RSU1: variants seen among roughly 807,000 people sequenced by gnomAD.
RSU1 encodes the protein Ras suppressor protein 1.
In RSU1, 26 loss-of-function variants were observed where a neutral mutation model predicts 31.1. The ratio of observed to expected loss-of-function variants is 0.84; its 90% CI spans 0.61 to 1.16. RSU1 has a LOEUF of 1.16. RSU1 is among the 50% of genes most tolerant of loss of function. The probability of loss-of-function intolerance (pLI) is 0.00; values close to 1 mark genes in which losing one functional copy is unlikely to be tolerated. For missense variants in RSU1, 320 were observed against 339.1 expected (o/e 0.94, Z 0.44); for synonymous variants, 164 against 136.3 (o/e 1.20, Z -1.41).
At chr10:16,655,708 CT>C (rs911892724) in intron 8 of RSU1, among the ~76,000 whole-genome samples, 2 of 152,146 alleles carry the variant, frequency 1.3e-5, no homozygotes, top group Non-Finnish European at 2.9e-5. Flanking sequence ...GTCAAGCAAG[CT>C]TTTGGGTGCC....
intron 2 of RSU1, 92 bp from the exon 3 acceptor site, chr10:16,782,176 T>G (rs369208266): frequency 8.2e-6 from 8 of 977,962 alleles, no homozygotes; most frequent in African/African-American, 4.9e-5. Flanking sequence ...ACGGCAAAGT[T>G]ATTTTCACAG....
At chr10:16,756,116 T>C (rs1430976979) in intron 4 of RSU1, among the ~76,000 whole-genome samples, 1 of 152,194 alleles carries the variant, frequency 6.6e-6, no homozygotes, top group Non-Finnish European at 1.5e-5. Flanking sequence ...GAAAATCATG[T>C]TTTTGTTCTA....
At chr10:16,632,593 C>A (rs117497772) in intron 8 of RSU1, among the ~76,000 whole-genome samples, 1 of 152,198 alleles carries the variant, frequency 6.6e-6, no homozygotes, top group Non-Finnish European at 1.5e-5. Flanking sequence ...TGATTTTCCA[C>A]GAATTCTTTC....
At chr10:16,781,747 G>C (rs1399521038) in intron 3 of RSU1, among the ~76,000 whole-genome samples, 1 of 152,174 alleles carries the variant, frequency 6.6e-6, no homozygotes, top group African/African-American at 2.4e-5. Flanking sequence ...AGCCCTTTGG[G>C]AGGCCAAGGC....
At chr10:16,670,092 T>C (rs1335297923) in intron 8 of RSU1, among the ~76,000 whole-genome samples, 1 of 152,234 alleles carries the variant, frequency 6.6e-6, no homozygotes, top group Non-Finnish European at 1.5e-5. Flanking sequence ...CAGGCCCATG[T>C]AGTGCAAATC....
intron 8 of RSU1, among the ~76,000 whole-genome samples, chr10:16,685,166 C>T (rs2131552845): frequency 6.6e-6 from 1 of 152,320 alleles, no homozygotes; most frequent in South Asian, 2.1e-4. Flanking sequence ...AAGAGAATCG[C>T]TTGAACCTGG....
intron 8 of RSU1, among the ~76,000 whole-genome samples, chr10:16,627,976 G>A (rs1834186907): frequency 6.6e-6 from 1 of 152,116 alleles, no homozygotes; most frequent in Non-Finnish European, 1.5e-5. Flanking sequence ...CCAGAGGCGA[G>A]ACCAGCGATG....
At chr10:16,596,925 G>A (rs542428178) in intron 8 of RSU1, among the ~76,000 whole-genome samples, 38 of 152,260 alleles carry the variant, frequency 2.5e-4, no homozygotes, top group African/African-American at 7.0e-4. Context: ...GTTTCGCCAC[G>A]TTGGACATGC....
At chr10:16,604,425 T>G (rs1474435741) in intron 8 of RSU1, among the ~76,000 whole-genome samples, 7 of 152,046 alleles carry the variant, frequency 4.6e-5, no homozygotes, top group South Asian at 4.1e-4. Context: ...GTGGATGCCC[T>G]GGCGGGACTG....
At chr10:16,780,642 A>G (rs1837631162) in intron 3 of RSU1, among the ~76,000 whole-genome samples, 1 of 152,202 alleles carries the variant, frequency 6.6e-6, no homozygotes, top group Non-Finnish European at 1.5e-5. Context: ...ATACTTTACT[A>G]AACTACACAA....
chr10:16,710,703 A>G (rs1006347872), intron 7 of RSU1, among the ~76,000 whole-genome samples: 3 of 151,912 alleles, frequency 2.0e-5, no homozygotes, highest in Non-Finnish European at 4.4e-5. Flanking sequence ...GTTCTGGGAT[A>G]TATGTGCAGA....
At chr10:16,793,408 T>C (rs950619162) in intron 2 of RSU1, among the ~76,000 whole-genome samples, 1 of 151,872 alleles carries the variant, frequency 6.6e-6, no homozygotes. Flanking sequence ...TAGCAGCAAA[T>C]TCACCTATCT....
At chr10:16,626,123 G>A (rs2131484738) in intron 8 of RSU1, among the ~76,000 whole-genome samples, 1 of 151,924 alleles carries the variant, frequency 6.6e-6, no homozygotes, top group East Asian at 1.9e-4. Flanking sequence ...AGGACTCAGT[G>A]CAGCCTCATC....
chr10:16,778,579 C>T lies in RSU1; in HGVS notation c.160+3455G>A, dbSNP rs148788946. ...CAAAGGAAGAGAAGGACAGGGAATG[C>T]CATGCTAGAGTTAAAGAGTCTACAT... On this transcript the variant is annotated intron_variant, in intron 3 of 8. Transcript: ENST00000345264. Among the ~76,000 whole-genome samples the T allele has an allele frequency of 2.0e-3, 303 of 152,218 alleles. 2 individuals carry two copies. Among genetic ancestry groups the T allele is most frequent in the African/African-American group, 6.8e-3 (284 of 41,544 alleles).
intron 8 of RSU1, among the ~76,000 whole-genome samples, chr10:16,665,843 G>A (rs1351251515): frequency 6.6e-6 from 1 of 152,106 alleles, no homozygotes; most frequent in Non-Finnish European, 1.5e-5. Context: ...AATGGACAAG[G>A]TAACATATTG....
At chr10:16,656,270 C>T (rs538697832) in intron 8 of RSU1, among the ~76,000 whole-genome samples, 418 of 152,106 alleles carry the variant, frequency 2.7e-3, no homozygotes, top group Non-Finnish European at 4.8e-3. Flanking sequence ...TATAGACTCT[C>T]GGCTTTTCAA....
In RSU1 at chr10:16,640,506, G is replaced by A. The variant is rs138129878; in HGVS notation, c.732-47010C>T. Among the ~76,000 whole-genome samples, 163 of 152,274 alleles carry A rather than the reference G, an allele frequency of 1.1e-3. 1 individual carries two copies. The highest frequency in any genetic ancestry group is 6.0e-3 in the East Asian group (31 of 5,182). On this transcript the variant is annotated intron_variant, in intron 8 of 8. Transcript: ENST00000345264. ...CTGCCCTTTCACATTTGCTACTAGA[G>A]GATAAAAATCCTGAACATGGGCCAC...
chr10:16,649,212 G>A (rs1834633878), intron 8 of RSU1, among the ~76,000 whole-genome samples: 1 of 152,168 alleles, frequency 6.6e-6, no homozygotes, highest in South Asian at 2.1e-4. Flanking sequence ...CTAACAAAAT[G>A]CAGATTAGAA....
chr10:16,784,798 C>T (rs574973162), intron 2 of RSU1, among the ~76,000 whole-genome samples: 25 of 152,240 alleles, frequency 1.6e-4, no homozygotes, highest in African/African-American at 6.0e-4. Context: ...AAGCCCCACC[C>T]CCATGATACA....
Sources: gnomAD v4.1 joint callset for allele counts (sites outside exome capture counted in the v4.1 genomes callset) on GRCh38, gnomAD v4.1.1 for gene constraint, MANE v1.5 for transcripts, NCBI Gene and HGNC (gene_info 2026-07-23, HGNC 2026-07-21) for gene names.